The following CCDC88A variants were observed in gnomAD, a reference collection of about 807,000 sequenced individuals.
CCDC88A encodes girdin.
Under a neutral mutation model 234.3 loss-of-function variants are expected in CCDC88A, and 54 were observed. The observed-to-expected ratio is 0.23, with a 90% confidence interval of 0.19 to 0.29. The LOEUF is 0.29. Among genes scored for constraint, CCDC88A ranks in the 10% least tolerant of loss-of-function variants. The probability of loss-of-function intolerance (pLI) is 1.00; values close to 1 mark genes in which losing one functional copy is unlikely to be tolerated. For missense variants in CCDC88A, 1,832 were observed against 2,123.4 expected (o/e 0.86, Z 2.70); for synonymous variants, 753 against 737.8 (o/e 1.02, Z -0.33).
At chr2:55,382,971 C>CAGT (rs1467313855) in intron 3 of CCDC88A, among the ~76,000 whole-genome samples, 2 of 151,460 alleles carry the variant, frequency 1.3e-5, no homozygotes, top group African/African-American at 2.4e-5. Context: ...ACTGTAGCAC[C>CAGT]AGTACCAGGT....
Position 55,380,024 on chromosome 2 carries a change from G to C in CCDC88A, c.274-5141C>G, listed in dbSNP as rs942269548. Among the ~76,000 whole-genome samples the C allele has an allele frequency of 1.1e-4, 14 of 132,484 alleles. No homozygotes were observed. The Admixed American group carries it at 1.3e-3, about 12-fold the overall frequency. The allele number at this position is 132,484 out of a possible 152,430, so 86.9% of individuals were successfully genotyped here. A position where few individuals can be genotyped will look rare whatever the true frequency, so the allele number is the denominator to read the frequency against. The stretch of plus-strand genomic sequence containing the variant: ...GGATCACTTGAGGCCAGGAGTTCGA[G>C]ACCAGCCTGACCAGGATGGCAAAGC... On this transcript the variant is annotated intron_variant, in intron 3 of 32. Coordinates refer to ENST00000436346, the MANE Select transcript of CCDC88A (RefSeq NM_001365480.1).
Position 55,413,018 on chromosome 2 carries a change from A to G in CCDC88A, c.164+5798T>C, listed in dbSNP as rs1238639887. ...CAGGAATTCAAGACCAGCCTGGGCA[A>G]AAAAGTGAGACCCGGTCTCTATAAA... On this transcript the variant is annotated intron_variant, in intron 2 of 32. Coordinates refer to ENST00000436346, the MANE Select transcript of CCDC88A (RefSeq NM_001365480.1). 2.0e-5 allele frequency among the ~76,000 whole-genome samples: 3 copies of G among 152,044 alleles called. No individual in the cohort carries two copies. In the East Asian group the frequency reaches 5.8e-4, roughly 29 times the overall value.
At chr2:55,384,525 A>ATATGTG (rs1364603835) in intron 3 of CCDC88A, among the ~76,000 whole-genome samples, 3 of 92,302 alleles carry the variant, frequency 3.3e-5, no homozygotes, top group South Asian at 3.5e-4. Context: ...TAAATTATAT[A>ATATGTG]TATATACATA....
chr2:55,297,944 ACAAT>A (rs1680394557), intron 29 of CCDC88A, among the ~76,000 whole-genome samples: 1 of 152,210 alleles, frequency 6.6e-6, no homozygotes. Flanking sequence ...GTAAAAGTAT[ACAAT>A]CAAATATGTA....
At chr2:55,327,695 A>G (rs557114917) in intron 17 of CCDC88A, among the ~76,000 whole-genome samples, 4 of 152,378 alleles carry the variant, frequency 2.6e-5, no homozygotes, top group African/African-American at 9.6e-5. Context: ...AAACCAGAAC[A>G]TGACTCTACC....
chr2:55,300,008 G>A (rs1680686133), intron 28 of CCDC88A, 89 bp from the exon 29 acceptor site: 1 of 912,304 alleles, frequency 1.1e-6, no homozygotes. Context: ...AATGCTTTGA[G>A]GAAGCAATCA....
At position 55,289,184 on chromosome 2, in the gene CCDC88A, C is replaced by G. The variant is rs1387591182; in HGVS notation, c.*2016G>C. 3 of 152,714 alleles carry G rather than the reference C, an allele frequency of 2.0e-5. No individual in the cohort carries two copies. In the East Asian group the frequency reaches 5.8e-4, roughly 29 times the overall value. The allele number at this position is 152,714 out of a possible 1,614,324, so 9.5% of individuals were successfully genotyped here. ...ATATTAGTGTTCTGGAGAGGTCAAG[C>G]TGTAATGTCATTCGCCCTCATTGGG... On this transcript the variant is annotated 3_prime_UTR_variant, in exon 33 of 33. Transcript: ENST00000436346.
chr2:55,383,267 C>G (rs977588341), intron 3 of CCDC88A, among the ~76,000 whole-genome samples: 4 of 152,042 alleles, frequency 2.6e-5, no homozygotes, highest in Admixed American at 6.6e-5. Context: ...GAAACATACA[C>G]TTTTGAATTT....
chr2:55,370,664 A>G (rs3111408), intron 5 of CCDC88A, among the ~76,000 whole-genome samples: 16,363 of 140,426 alleles, frequency 0.12, 1,552 homozygotes, highest in East Asian at 0.26. Flanking sequence ...AAAAAAAAAA[A>G]AAAGAGAATT....
intron 10 of CCDC88A, among the ~76,000 whole-genome samples, chr2:55,345,150 T>C (rs1362765708): frequency 1.3e-5 from 2 of 152,192 alleles, no homozygotes; most frequent in African/African-American, 2.4e-5. Flanking sequence ...TGAGAATCCC[T>C]TAACAGTGTC....
chr2:55,296,557 A>T, intron 29 of CCDC88A, 34 bp from the exon 30 acceptor site: 1 of 1,591,380 alleles, frequency 6.3e-7, no homozygotes, highest in Non-Finnish European at 8.6e-7. Flanking sequence ...AGATTTCAAT[A>T]ATAGAATTGA....
At chr2:55,312,691 AGAT>A in intron 22 of CCDC88A, 112 bp from the exon 23 acceptor site, 1 of 741,650 alleles carries the variant, frequency 1.3e-6, no homozygotes, top group Non-Finnish European at 2.2e-6. Context: ...TTGAACAATT[AGAT>A]GATTGTACTT....
At chr2:55,330,491 G>C (rs1684787687) in intron 16 of CCDC88A, among the ~76,000 whole-genome samples, 1 of 99,114 alleles carries the variant, frequency 1.0e-5, no homozygotes. Context: ...AGAAAGACGG[G>C]AAACTTAGAT....
chr2:55,312,672 T>C, intron 22 of CCDC88A, 93 bp from the exon 23 acceptor site: 1 of 885,446 alleles, frequency 1.1e-6, no homozygotes. Context: ...GATTTAAGTG[T>C]TCCACTGTTT....
intron 29 of CCDC88A, among the ~76,000 whole-genome samples, chr2:55,299,506 G>A (rs181361257): frequency 2.1e-4 from 32 of 152,028 alleles, no homozygotes; most frequent in Non-Finnish European, 3.2e-4. Context: ...GTGTCCATGC[G>A]TCATAAGAAA....
chr2:55,341,069 G>A (rs1166867559), intron 12 of CCDC88A, among the ~76,000 whole-genome samples: 1 of 150,802 alleles, frequency 6.6e-6, no homozygotes, highest in Non-Finnish European at 1.5e-5. Flanking sequence ...GTCTTTCTGT[G>A]CCTAGCTTAG....
chr2:55,323,736 T>A (rs997448595), intron 17 of CCDC88A: 2 of 152,020 alleles, frequency 1.3e-5, no homozygotes, highest in Non-Finnish European at 1.5e-5. Context: ...TTTTGAGACA[T>A]AGTCTCACTC....
chr2:55,339,271 T>C, intron 13 of CCDC88A, 193 bp downstream of exon 13: 1 of 552,302 alleles, frequency 1.8e-6, no homozygotes, highest in East Asian at 3.5e-5. Flanking sequence ...GATCAGCTAG[T>C]AAGTTCTTAA....
chr2:55,411,452 C>T (rs558509104), intron 2 of CCDC88A, among the ~76,000 whole-genome samples: 37 of 152,202 alleles, frequency 2.4e-4, no homozygotes, highest in African/African-American at 7.9e-4. Flanking sequence ...TTCTTGAAGA[C>T]AGTCCAATAC....
Sources: allele counts gnomAD v4.1 joint callset (sites outside exome capture counted in the v4.1 genomes callset), GRCh38; gene constraint gnomAD v4.1.1; transcripts MANE v1.5; gene names NCBI Gene and HGNC (gene_info 2026-07-23, HGNC 2026-07-21).